The following FGFR2 variants were observed in gnomAD, a reference collection of about 807,000 sequenced individuals.
FGFR2 encodes BEK fibroblast growth factor receptor.
In FGFR2, 19 loss-of-function variants were observed where a neutral mutation model predicts 95.9. The ratio of observed to expected loss-of-function variants is 0.20; its 90% CI spans 0.14 to 0.29. The LOEUF is 0.29. Among genes scored for constraint, FGFR2 ranks in the 10% least tolerant of loss-of-function variants. The pLI is 1.00. For synonymous variants in FGFR2, 392 were observed against 393.3 expected (o/e 1.00, Z 0.04); for missense variants, 707 against 1,056.9 (o/e 0.67, Z 4.59).
intron 6 of FGFR2, among the ~76,000 whole-genome samples, chr10:121,520,550 C>T (rs1160428927): frequency 6.6e-6 from 1 of 152,220 alleles, no homozygotes; most frequent in African/African-American, 2.4e-5. Context: ...CTCACCTCAA[C>T]CACAAGCTTA....
intron 6 of FGFR2, among the ~76,000 whole-genome samples, chr10:121,523,319 G>A (rs1328169890): frequency 6.6e-6 from 1 of 152,156 alleles, no homozygotes; most frequent in Non-Finnish European, 1.5e-5. Flanking sequence ...TGAAACCCTT[G>A]CTCTCTGGCT....
rs1857409360 is a variant in FGFR2, at chr10:121,564,580, C to T, written c.377-1G>A. The T allele has an allele frequency of 6.2e-7, 1 of 1,613,824 alleles. No individual in the cohort carries two copies. The highest frequency in any genetic ancestry group is 8.5e-7 in the Non-Finnish European group (1 of 1,179,886). ...TCATCATCTCCGGATGAGATGGCAT[C>T]TGTATGCAAAAGAACATATTCCATG... is the stretch of plus-strand genomic sequence containing the variant. On this transcript the variant is annotated splice_acceptor_variant, in intron 3 of 17. Coordinates refer to ENST00000358487, the MANE Select transcript of FGFR2 (RefSeq NM_000141.5). LOFTEE classifies it high-confidence loss of function.
intron 2 of FGFR2, among the ~76,000 whole-genome samples, chr10:121,587,224 C>A (rs950536561): frequency 1.3e-5 from 2 of 152,080 alleles, no homozygotes; most frequent in Admixed American, 6.6e-5. Context: ...TTGAAGCTGA[C>A]CCCTTCCTTA....
chr10:121,588,842 G>GT (rs1862209005), intron 2 of FGFR2, among the ~76,000 whole-genome samples: 1 of 152,100 alleles, frequency 6.6e-6, no homozygotes. Context: ...AGTGAGCCAC[G>GT]TTTGACAATG....
intron 2 of FGFR2, among the ~76,000 whole-genome samples, chr10:121,579,211 A>G (rs969110489): frequency 5.3e-5 from 8 of 152,214 alleles, no homozygotes; most frequent in African/African-American, 1.9e-4. Flanking sequence ...CTGCCTAGGA[A>G]GGCCTCTGTA....
intron 6 of FGFR2, among the ~76,000 whole-genome samples, chr10:121,534,599 T>C (rs1280260735): frequency 6.6e-6 from 1 of 152,052 alleles, no homozygotes; most frequent in African/African-American, 2.4e-5. Flanking sequence ...TTTCACCATG[T>C]TGACCAGGCT....
intron 8 of FGFR2, among the ~76,000 whole-genome samples, chr10:121,516,706 A>C (rs1393696549): frequency 6.6e-6 from 1 of 152,242 alleles, no homozygotes; most frequent in African/African-American, 2.4e-5. Context: ...AATGATGTTT[A>C]TTTCTCTGTG....
rs576205486 is a variant in FGFR2 at position 121,536,082 on chromosome 10, G to A, written c.748+2510C>T. On this transcript the variant is annotated intron_variant, in intron 6 of 17. Transcript: ENST00000358487. ...GCTGAAAAGCTGTTATCACACAGCA[G>A]TGTATCACATTTGGGCCTGTGGGCT... Among the ~76,000 whole-genome samples, 29 of 152,358 alleles carry A rather than the reference G, an allele frequency of 1.9e-4. No homozygotes were observed. In the South Asian group the frequency reaches 2.9e-3, roughly 15 times the overall value.
intron 6 of FGFR2, among the ~76,000 whole-genome samples, chr10:121,532,458 T>A (rs1049429014): frequency 6.6e-6 from 1 of 152,214 alleles, no homozygotes; most frequent in African/African-American, 2.4e-5. Context: ...CAGGAATGAC[T>A]GAATCTTGAC....
chr10:121,481,951 C>T, intron 17 of FGFR2: 1 of 366,906 alleles, frequency 2.7e-6, no homozygotes, highest in Non-Finnish European at 5.0e-6. Context: ...ACTCTCCTGC[C>T]TCAGCCTCCC....
chr10:121,488,255 G>C lies in FGFR2; in HGVS notation c.1864-142C>G, dbSNP rs553146603. 2.9e-5 allele frequency: 34 copies of C among 1,183,170 alleles called. No individual in the cohort carries two copies. The East Asian group carries it at 7.4e-4, about 26-fold the overall frequency. The allele number at this position is 1,183,170 out of a possible 1,614,324, so 73.3% of individuals were successfully genotyped here. On this transcript the variant is annotated intron_variant, in intron 13 of 17. Coordinates refer to ENST00000358487, the MANE Select transcript of FGFR2 (RefSeq NM_000141.5). Reference sequence around the variant, plus strand: ...GTTGCGGTATACTATAAGAAATACAGTGTGGCCGGGTGCGGTGGCTCATGC... The same window carrying C: ...GTTGCGGTATACTATAAGAAATACACTGTGGCCGGGTGCGGTGGCTCATGC...
Position 121,483,861 on chromosome 10 carries a change from T to A in FGFR2, c.2196-58A>T, listed in dbSNP as rs533208562. 2.0e-5 allele frequency: 26 copies of A among 1,298,750 alleles called. No homozygotes were observed. In the African/African-American group the frequency reaches 3.3e-4, roughly 17 times the overall value. The allele number at this position is 1,298,750 out of a possible 1,614,324, so 80.5% of individuals were successfully genotyped here. ...ATATGCACTGGGTACGTGGTTATAGTCAGTTTTAATAGGCAATATGGGGAC... is the reference window on the plus strand; with the variant it reads ...ATATGCACTGGGTACGTGGTTATAGACAGTTTTAATAGGCAATATGGGGAC... On this transcript the variant is annotated intron_variant, in intron 16 of 17. Coordinates refer to ENST00000358487, the MANE Select transcript of FGFR2 (RefSeq NM_000141.5).
intron 12 of FGFR2, among the ~76,000 whole-genome samples, chr10:121,497,719 G>C (rs1294441973): frequency 6.6e-6 from 1 of 152,270 alleles, no homozygotes; most frequent in Non-Finnish European, 1.5e-5. Flanking sequence ...CCTACCGCCT[G>C]TTTGGGTAAT....
In FGFR2 at chr10:121,589,044, A is replaced by G. The variant is rs557094179; in HGVS notation, c.109+4665T>C. 2.6e-5 allele frequency among the ~76,000 whole-genome samples: 4 copies of G among 152,348 alleles called. No individual in the cohort carries two copies. In the East Asian group the frequency reaches 5.8e-4, roughly 22 times the overall value. ...GAATTATCTGTGGAATAGCCTAAAA[A>G]ACTTCCAAAAAATAATTTCTGAACT... On this transcript the variant is annotated intron_variant, in intron 2 of 17. Transcript: ENST00000358487.
At chr10:121,510,237 T>C (rs1848876230) in intron 9 of FGFR2, among the ~76,000 whole-genome samples, 1 of 152,156 alleles carries the variant, frequency 6.6e-6, no homozygotes, top group African/African-American at 2.4e-5. Flanking sequence ...CCTGGGACTC[T>C]GTGAGTAAAC....
At chr10:121,570,029 G>C (rs1858372030) in intron 2 of FGFR2, among the ~76,000 whole-genome samples, 1 of 152,184 alleles carries the variant, frequency 6.6e-6, no homozygotes, top group African/African-American at 2.4e-5. Context: ...CGCTGGGGAG[G>C]GGCCAAATGC....
chr10:121,567,301 G>A (rs1160576824), intron 2 of FGFR2, among the ~76,000 whole-genome samples: 2 of 152,178 alleles, frequency 1.3e-5, no homozygotes, highest in Admixed American at 6.5e-5. Flanking sequence ...AGGCATGCAT[G>A]CCAAGCCCCA....
At chr10:121,512,436 G>A (rs191355407) in intron 9 of FGFR2, among the ~76,000 whole-genome samples, 2 of 152,334 alleles carry the variant, frequency 1.3e-5, no homozygotes, top group Non-Finnish European at 2.9e-5. Context: ...ATCTCGCAGA[G>A]ATGTACTTTT....
chr10:121,597,324 G>A (rs367718195), intron 1 of FGFR2, among the ~76,000 whole-genome samples: 29 of 152,358 alleles, frequency 1.9e-4, no homozygotes, highest in African/African-American at 5.3e-4. Context: ...GAGCAGGCAG[G>A]CGAACTAGAA....
Sources: allele counts gnomAD v4.1 joint callset (sites outside exome capture counted in the v4.1 genomes callset), GRCh38; gene constraint gnomAD v4.1.1; transcripts MANE v1.5; gene names NCBI Gene and HGNC (gene_info 2026-07-23, HGNC 2026-07-21).